Variants in ITGA3 observed in about 807,000 individuals in gnomAD.
ITGA3 encodes the protein integrin alpha-3.
ITGA3 carries 70 observed loss-of-function variants against 131.1 expected under a neutral mutation model. The observed-to-expected ratio is 0.53, with a 90% CI of 0.44 to 0.65. ITGA3 has a LOEUF of 0.65. Among genes scored for constraint, ITGA3 ranks in the 30% least tolerant of loss-of-function variants. The pLI is 0.00. For synonymous variants in ITGA3, 537 were observed against 571.6 expected, an observed-to-expected ratio of 0.94 and a Z score of 0.86; for missense variants, 1,098 against 1,388.6, an observed-to-expected ratio of 0.79 and a Z score of 3.33.
chr17:50,057,842 G>T (rs1244990308), intron 1 of ITGA3, among the ~76,000 whole-genome samples: 1 of 152,192 alleles, frequency 6.6e-6, no homozygotes, highest in African/African-American at 2.4e-5. Context: ...CCCCCGCCTT[G>T]GTTCTGCCCT....
At chr17:50,068,351 A>T (rs1359215252) in intron 4 of ITGA3, 46 bp downstream of exon 4, 1 of 1,598,346 alleles carries the variant, frequency 6.3e-7, no homozygotes, top group East Asian at 2.2e-5. Flanking sequence ...AGCAGAGACC[A>T]CCCACCCCTA....
chr17:50,080,477 T>G (rs1288248079), intron 22 of ITGA3, 102 bp downstream of exon 22: 1 of 582,192 alleles, frequency 1.7e-6, no homozygotes, highest in Non-Finnish European at 3.1e-6. Flanking sequence ...TGTGTGTGTG[T>G]GTGTGTGTGT....
chr17:50,068,121 C>A lies in ITGA3; in HGVS notation c.480C>A (p.Gly160=). The A allele has an allele frequency of 6.2e-7, 1 of 1,614,166 alleles. No homozygotes were observed. Among genetic ancestry groups the A allele is most frequent in the South Asian group, 1.1e-5 (1 of 91,084 alleles). Residue 160 remains glycine, a synonymous_variant, in exon 4 of 26, where the codon GGC becomes GGA. Coordinates refer to ENST00000320031, the MANE Select transcript of ITGA3 (RefSeq NM_002204.4). ...SGSEDQRRMV[G]KCYVRGNDLE... The stretch of plus-strand genomic sequence containing the variant: ...CAGAAGACCAGCGGCGCATGGTGGG[C>A]AAGTGCTACGTGCGAGGCAATGACC...
In ITGA3 at chr17:50,073,984, C is replaced by T. The variant is rs1908756610; in HGVS notation, c.1225C>T (p.Leu409Phe). 1 of 1,613,628 alleles carries T rather than the reference C, an allele frequency of 6.2e-7. No individual in the cohort carries two copies. The highest frequency in any genetic ancestry group is 1.1e-5 in the South Asian group (1 of 91,080). ...CATCTATCACAGTAGCTCTAAGGGG[C>T]TCCTTAGACAGCCCCAGCAGGTACA... ...VYIYHSSSKG[L>F]LRQPQQVIHG... Residue 409 changes from leucine to phenylalanine, a missense_variant, in exon 8 of 26, where the codon CTC becomes TTC. Physicochemically the swap from Leu to Phe is conservative, Grantham distance 22. Transcript: ENST00000320031.
intron 3 of ITGA3, chr17:50,065,839 C>T (rs952172166): frequency 6.6e-6 from 1 of 152,068 alleles, no homozygotes; most frequent in Non-Finnish European, 1.5e-5. Flanking sequence ...CGAGACCAGC[C>T]TGGCCAATAT....
In ITGA3 at chr17:50,078,831, C is replaced by T. The variant is rs777430880; in HGVS notation, c.2305C>T (p.His769Tyr). 2.5e-5 allele frequency: 40 copies of T among 1,607,308 alleles called. No individual in the cohort carries two copies. In the South Asian group the frequency reaches 4.3e-4, roughly 17 times the overall value. ...CATCCTTCTTACCCCTAGGGTAAAT[C>T]ACCGGCTACAAAGCTTCTTTGGGGG... is the stretch of plus-strand genomic sequence containing the variant. ...TLQTSLSMVN[H>Y]RLQSFFGGTV... Residue 769 changes from histidine to tyrosine, a missense_variant, in exon 19 of 26, where the codon CAC becomes TAC. This residue lies in a region of ITGA3 where 699 missense variants were observed against 829.2 expected (regional missense o/e 0.84). Coordinates refer to ENST00000320031, the MANE Select transcript of ITGA3 (RefSeq NM_002204.4).
At position 50,078,089 on chromosome 17, in the gene ITGA3, A is replaced by G. The variant is rs1248982463; in HGVS notation, c.2183A>G (p.His728Arg). The change falls in exon 17 of 26, where the codon CAC becomes CGC. Residue 728 changes from histidine (H) to arginine (R), a missense_variant. His to Arg is a conservative substitution (Grantham distance 29). Around this residue, in one of 3 missense-constraint regions of ITGA3, gnomAD observed 699 missense variants for 829.2 expected, o/e 0.84. Coordinates refer to ENST00000320031, the MANE Select transcript of ITGA3 (RefSeq NM_002204.4). ...IAFEVIGVTL[H>R]TRDLQVQLQL... is the part of the protein sequence containing the mutation. ...TTTGAGGTCATCGGGGTGACCCTGC[A>G]CACAAGGGACCTTCAGGTGCAGCTG... 6.2e-7 allele frequency: 1 copy of G among 1,613,774 alleles called. No individual in the cohort carries two copies. Among genetic ancestry groups the G allele is most frequent in the Non-Finnish European group, 8.5e-7 (1 of 1,179,716 alleles).
At chr17:50,081,829 A>G (rs1909198187) in intron 23 of ITGA3, among the ~76,000 whole-genome samples, 1 of 151,956 alleles carries the variant, frequency 6.6e-6, no homozygotes, top group South Asian at 2.1e-4. Context: ...TATCTCACCC[A>G]TTGTCACATC....
In ITGA3 at chr17:50,074,019, G is replaced by C. The variant is rs746538302; in HGVS notation, c.1245+15G>C. The stretch of plus-strand genomic sequence containing the variant: ...AGCCCCAGCAGGTACAGAGAGACGG[G>C]GATGGGTCTGCTGCCCCCACCAGCC... On this transcript the variant is annotated intron_variant, in intron 8 of 25. Transcript: ENST00000320031. 1.3e-6 allele frequency: 2 copies of C among 1,595,060 alleles called. No individual in the cohort carries two copies. The highest frequency in any genetic ancestry group is 2.2e-5 in the South Asian group (2 of 90,704).
At chr17:50,087,629 G>T in intron 23 of ITGA3, 115 bp from the exon 24 acceptor site, 3 of 1,202,104 alleles carry the variant, frequency 2.5e-6, no homozygotes, top group African/African-American at 1.5e-5. Flanking sequence ...GTCCCAGGCT[G>T]CCCCCTACTG....
At position 50,074,438 on chromosome 17, in the gene ITGA3, G is replaced by A; in HGVS notation, c.1383-10G>A. The A allele has an allele frequency of 9.3e-6, 15 of 1,613,734 alleles. No homozygotes were observed. Among genetic ancestry groups the A allele is most frequent in the Non-Finnish European group, 1.3e-5 (15 of 1,179,734 alleles). On this transcript the variant is annotated splice_polypyrimidine_tract_variant and intron_variant, in intron 9 of 25. Transcript: ENST00000320031. ...GCACTGATATCTGTCTGGCTCTGTT[G>A]TCTCTGCAGGGCCCGGCCCGTCATC... is the stretch of plus-strand genomic sequence containing the variant.
In ITGA3 at chr17:50,080,362, G is replaced by A; in HGVS notation, c.2807G>A (p.Ser936Asn). 1 of 1,610,114 alleles carries A rather than the reference G, an allele frequency of 6.2e-7. No individual in the cohort carries two copies. ...NVTVKARVWN[S>N]TFIEDYRDFD... Reference sequence around the variant, plus strand: ...ACTGTGAAGGCACGAGTGTGGAACAGCACCTTCATCGAGGTCAGTGCCTGG... The same window carrying A: ...ACTGTGAAGGCACGAGTGTGGAACAACACCTTCATCGAGGTCAGTGCCTGG... The change falls in exon 22 of 26, where the codon AGC (serine) becomes AAC (asparagine). Residue 936 changes from serine to asparagine, a missense_variant. Ser to Asn is a conservative substitution (Grantham distance 46, BLOSUM62 1). Transcript: ENST00000320031.
chr17:50,059,594 C>T (rs1003883507), intron 1 of ITGA3, among the ~76,000 whole-genome samples: 4 of 152,168 alleles, frequency 2.6e-5, no homozygotes, highest in Admixed American at 1.3e-4. Context: ...AAGGCCTGCT[C>T]GTGTAGTATC....
At position 50,089,937 on chromosome 17, in the gene ITGA3, C is replaced by A; in HGVS notation, c.*859C>A. 4.8e-6 allele frequency: 1 copy of A among 206,456 alleles called. No individual in the cohort carries two copies. Among genetic ancestry groups the A allele is most frequent in the South Asian group, 7.3e-5 (1 of 13,694 alleles). 12.8% of individuals were successfully genotyped at this position (206,456 alleles called of 1,614,324 possible). On this transcript the variant is annotated 3_prime_UTR_variant, in exon 26 of 26. Transcript: ENST00000320031. ...CCACAGACTGAACTCGCAGGGAATG[C>A]AGCAGGAAGGAACAAAGACAGGCAA...
chr17:50,065,611 C>T (rs878070), intron 3 of ITGA3: 34,556 of 152,142 alleles, frequency 0.23, 4,987 homozygotes, highest in African/African-American at 0.37. Flanking sequence ...CTCACAATCA[C>T]GGTGGAAGGC....
At chr17:50,080,463 G>GGGGTGTGT (rs878979814) in intron 22 of ITGA3, 88 bp downstream of exon 22, 14 of 506,298 alleles carry the variant, frequency 2.8e-5, no homozygotes, top group East Asian at 2.2e-4. Flanking sequence ...TCATAGCATG[G>GGGGTGTGT]GTGTGTGTGT....
At chr17:50,077,155 A>T in intron 15 of ITGA3, 34 bp downstream of exon 15, 1 of 1,511,980 alleles carries the variant, frequency 6.6e-7, no homozygotes, top group Non-Finnish European at 8.9e-7. Context: ...GAGCCCAAGC[A>T]GGGCTCCCCG....
chr17:50,088,386 C>A lies in ITGA3; in HGVS notation c.*31+20C>A. ...ACCTGGGTAACACGGCCTCCGGGCCCCCTTCCCCGAGCCCCACAGCTGGCC... is the reference window on the plus strand; with the variant it reads ...ACCTGGGTAACACGGCCTCCGGGCCACCTTCCCCGAGCCCCACAGCTGGCC... On this transcript the variant is annotated intron_variant, in intron 25 of 25. Coordinates refer to ENST00000320031, the MANE Select transcript of ITGA3 (RefSeq NM_002204.4). 1 of 1,356,238 alleles carries A rather than the reference C, an allele frequency of 7.4e-7. No homozygotes were observed. The highest frequency in any genetic ancestry group is 1.0e-6 in the Non-Finnish European group (1 of 971,106). 84.0% of individuals were successfully genotyped at this position (1,356,238 alleles called of 1,614,324 possible). A position where few individuals can be genotyped will look rare whatever the true frequency, so the allele number is the denominator to read the frequency against.
rs982097776 is a variant in ITGA3 at position 50,064,708 on chromosome 17, C to T, written c.414+101C>T. 2.7e-5 allele frequency: 26 copies of T among 947,972 alleles called. No individual in the cohort carries two copies. Among genetic ancestry groups the T allele is most frequent in the African/African-American group, 6.5e-5 (4 of 61,592 alleles). 58.7% of individuals were successfully genotyped at this position (947,972 alleles called of 1,614,324 possible). ...GAGGGCAGCAGGGGGGTCCACGGCGCGTGTGTGCTGGGGCCTGCACACATG... is the reference window on the plus strand; with the variant it reads ...GAGGGCAGCAGGGGGGTCCACGGCGTGTGTGTGCTGGGGCCTGCACACATG... On this transcript the variant is annotated intron_variant, in intron 3 of 25. Transcript: ENST00000320031. The surrounding 1 kb of genome is among the most constrained non-coding windows in gnomAD (Gnocchi z 4.4).
Sources: allele counts gnomAD v4.1 joint callset (sites outside exome capture counted in the v4.1 genomes callset), GRCh38; gene constraint gnomAD v4.1.1; regional missense constraint gnomAD v4.1.1; non-coding constraint Gnocchi (gnomAD v3.1); transcripts MANE v1.5; gene names NCBI Gene and HGNC (gene_info 2026-07-23, HGNC 2026-07-21).